The following ARHGEF1 variants were observed in gnomAD, a reference collection of about 807,000 sequenced individuals.
ARHGEF1 encodes 115 kDa guanine nucleotide exchange factor.
In ARHGEF1, 40 loss-of-function variants were observed where a neutral mutation model predicts 119.7. That is an observed-to-expected ratio of 0.33 (90% CI 0.26 to 0.44). The LOEUF (loss-of-function observed/expected upper bound fraction) is 0.44, where lower values mean the gene tolerates loss of function less well. Ranked by LOEUF, ARHGEF1 falls within the 20% of genes least tolerant of loss-of-function variation. The pLI, the probability that ARHGEF1 is intolerant of heterozygous loss-of-function variation, is 1.00. For missense variants in ARHGEF1, 976 were observed against 1,268.3 expected (o/e 0.77, Z 3.50); for synonymous variants, 494 against 521.0 (o/e 0.95, Z 0.71).
chr19:41,913,141 T>C, intron 18 of ARHGEF1, among the ~76,000 whole-genome samples: 1 of 145,840 alleles, frequency 6.9e-6, no homozygotes, highest in Non-Finnish European at 1.5e-5. Context: ...GTTCCTTCCC[T>C]CCCAGCCTCT....
intron 14 of ARHGEF1, among the ~76,000 whole-genome samples, chr19:41,900,016 G>A (rs569070581): frequency 5.3e-5 from 8 of 152,004 alleles, no homozygotes; most frequent in African/African-American, 1.7e-4. Flanking sequence ...GGGGACCATC[G>A]GCCACCTATG....
rs1410972470 is a variant in ARHGEF1 at position 41,914,588 on chromosome 19, TTTCCACCATCTCTGTCTCTCCCTCCCC to T, written c.1865+7805_1865+7831del. Among the ~76,000 whole-genome samples, 14 of 26,214 alleles carry T rather than the reference TTTCCACCATCTCTGTCTCTCCCTCCCC, an allele frequency of 5.3e-4. 2 individuals carry two copies. The highest frequency in any genetic ancestry group is 5.2e-4 in the Non-Finnish European group (8 of 15,466). The allele number at this position is 26,214 out of a possible 152,430, so 17.2% of individuals were successfully genotyped here. ...ATCTCTGTCTCCGTCTCTCCCTCCC[TTTCCACCATCTCTGTCTCTCCCTCCCC>T]TTCCACCATCTCTGTCTCTGTCTCT... is the stretch of plus-strand genomic sequence containing the variant. On this transcript the variant is annotated intron_variant, in intron 18 of 20. Transcript: ENST00000599589.
chr19:41,891,452 T>A (rs1416141036), intron 4 of ARHGEF1, among the ~76,000 whole-genome samples: 1 of 152,052 alleles, frequency 6.6e-6, no homozygotes, highest in Non-Finnish European at 1.5e-5. Flanking sequence ...CCCGACTAAT[T>A]TTTTTATTTT....
chr19:41,911,955 C>G (rs1311155590), downstream of ARHGEF1, among the ~76,000 whole-genome samples: 6 of 151,962 alleles, frequency 3.9e-5, no homozygotes, highest in Non-Finnish European at 5.9e-5. Flanking sequence ...GCCCCCAACA[C>G]AGAGGCCCAG....
chr19:41,924,946 T>C (rs1366412774), intron 1 of ARHGEF1, among the ~76,000 whole-genome samples: 1 of 151,982 alleles, frequency 6.6e-6, no homozygotes. Flanking sequence ...TAGCAGAGAA[T>C]GGGGCAGAGG....
chr19:41,916,795 GTCACAA>G lies in ARHGEF1; in HGVS notation c.1866-6291_1866-6286del. ...ACACACACACCCATTCACAGACACA[GTCACAA>G]TCACACACACACACCAAGATCACGG... On this transcript the variant is annotated intron_variant, in intron 18 of 20. Coordinates refer to the ARHGEF1 transcript ENST00000599589. The surrounding 1 kb of genome is among the most constrained non-coding windows in gnomAD (Gnocchi z 5.4). Among the ~76,000 whole-genome samples the G allele has an allele frequency of 6.6e-6, 1 of 151,976 alleles. No individual in the cohort carries two copies. Among genetic ancestry groups the G allele is most frequent in the East Asian group, 1.9e-4 (1 of 5,162 alleles).
At position 41,907,301 on chromosome 19, in the gene ARHGEF1, C is replaced by T. The variant is rs1555850540; in HGVS notation, c.*214C>T. On this transcript the variant is annotated 3_prime_UTR_variant, in exon 29 of 29. Coordinates refer to ENST00000354532, the MANE Select transcript of ARHGEF1 (RefSeq NM_004706.4). ...CCTCCTGCCCTCTGCTTGGGGGACTCAGGGCTCCATTCTGGAGGGCACCAC... is the reference window on the plus strand; with the variant it reads ...CCTCCTGCCCTCTGCTTGGGGGACTTAGGGCTCCATTCTGGAGGGCACCAC... The T allele has an allele frequency of 1.3e-6, 2 of 1,532,686 alleles. No individual in the cohort carries two copies. Among genetic ancestry groups the T allele is most frequent in the South Asian group, 2.4e-5 (2 of 83,644 alleles). 94.9% of individuals were successfully genotyped at this position (1,532,686 alleles called of 1,614,324 possible).
At chr19:41,915,236 G>GCT (rs1415210856) in intron 18 of ARHGEF1, among the ~76,000 whole-genome samples, 1 of 147,360 alleles carries the variant, frequency 6.8e-6, no homozygotes, top group Non-Finnish European at 1.5e-5. Context: ...ATAACGAGGA[G>GCT]CCGTGGGATC....
intron 14 of ARHGEF1, among the ~76,000 whole-genome samples, chr19:41,900,254 A>G (rs1555848766): frequency 6.6e-6 from 1 of 152,142 alleles, no homozygotes; most frequent in African/African-American, 2.4e-5. Flanking sequence ...GAATTGCTTG[A>G]ACCCAGGAAG....
chr19:41,929,386 C>T (rs1568838886), intron 2 of ARHGEF1, among the ~76,000 whole-genome samples: 1 of 152,172 alleles, frequency 6.6e-6, no homozygotes, highest in Non-Finnish European at 1.5e-5. Context: ...CACACACGCA[C>T]ACCTACAGTG....
Position 41,906,346 on chromosome 19 carries a change from TG to T in ARHGEF1, c.2492-109del. 2 of 1,148,050 alleles carry T rather than the reference TG, an allele frequency of 1.7e-6. No individual in the cohort carries two copies. Among genetic ancestry groups the T allele is most frequent in the Non-Finnish European group, 2.4e-6 (2 of 819,996 alleles). The allele number at this position is 1,148,050 out of a possible 1,614,324, so 71.1% of individuals were successfully genotyped here. ...CGAACCCCATCTGCTCAGCCTTGCC[TG>T]GCACCCACCTTCACCTCCAGCCCCT... On this transcript the variant is annotated intron_variant, in intron 26 of 28. Transcript: ENST00000354532. This position sits in a 1 kb window ranked among gnomAD's most constrained non-coding sequence, Gnocchi z 4.5.
Position 41,893,290 on chromosome 19 carries a change from GA to G in ARHGEF1, c.632del (p.Asp211AlafsTer39), listed in dbSNP as rs1568813270. The G allele has an allele frequency of 6.2e-7, 1 of 1,610,438 alleles. No individual in the cohort carries two copies. Among genetic ancestry groups the G allele is most frequent in the South Asian group, 1.1e-5 (1 of 90,552 alleles). The stretch of plus-strand genomic sequence containing the variant: ...CTCCTACAGACATACCATCTCTACC[GA>G]CGAAGAAAAGAGGTGAGGGGGGCAG... ...LEEMQHTIST[D>X]EEKSAAVVNA... On this transcript the variant is annotated frameshift_variant, in exon 8 of 29. Coordinates refer to ENST00000354532, the MANE Select transcript of ARHGEF1 (RefSeq NM_004706.4). LOFTEE classifies it high-confidence loss of function.
In ARHGEF1 at chr19:41,906,020, G is replaced by A. The variant is rs782226783; in HGVS notation, c.2486G>A (p.Arg829Gln). Residue 829 changes from arginine (R) to glutamine (Q), a missense_variant, in exon 26 of 29, where the codon CGG (arginine) becomes CAG (glutamine). Physicochemically the swap from Arg to Gln is conservative, Grantham distance 43. This residue lies in a region of ARHGEF1 where 171 missense variants were observed against 180.6 expected (regional missense o/e 0.95). Transcript: ENST00000354532. The surrounding 1 kb of genome is among the most constrained non-coding windows in gnomAD (Gnocchi z 4.5). ...GGCCAGCTCGCTGCCACGGCCCTTC[G>A]GAAAGGTAGCCCAGCTCTGCCCCTC... Reference protein sequence around the residue: ...PEGQLAATALRKVLSLKQLLF... With the variant: ...PEGQLAATALQKVLSLKQLLF... The A allele has an allele frequency of 5.5e-5, 88 of 1,613,638 alleles. No homozygotes were observed. Among genetic ancestry groups the A allele is most frequent in the Middle Eastern group, 1.6e-4 (1 of 6,074 alleles).
Position 41,892,270 on chromosome 19 carries a change from T to C in ARHGEF1, c.325-61T>C. 3.1e-6 allele frequency: 5 copies of C among 1,603,360 alleles called. No individual in the cohort carries two copies. The highest frequency in any genetic ancestry group is 4.3e-6 in the Non-Finnish European group (5 of 1,172,208). On this transcript the variant is annotated intron_variant, in intron 5 of 28. Transcript: ENST00000354532. This position sits in a 1 kb window ranked among gnomAD's most constrained non-coding sequence, Gnocchi z 6.3. ...CTTAGACCAGGGTTCCTGGCAGTCC[T>C]CCCGGCCTGCATCTCAGCACACCAA... is the stretch of plus-strand genomic sequence containing the variant.
intron 1 of ARHGEF1, chr19:41,928,030 GCTCA>G (rs1555853446): frequency 6.6e-6 from 1 of 152,118 alleles, no homozygotes; most frequent in Non-Finnish European, 1.5e-5. Context: ...CGGCCGCGGC[GCTCA>G]CTCACTTTCT....
chr19:41,926,745 C>G lies in ARHGEF1; in HGVS notation c.141-2086C>G, dbSNP rs561602130. Among the ~76,000 whole-genome samples, 56 of 152,240 alleles carry G rather than the reference C, an allele frequency of 3.7e-4. No homozygotes were observed. In the South Asian group the frequency reaches 5.4e-3, roughly 15 times the overall value. The stretch of plus-strand genomic sequence containing the variant: ...GGAGCGGGCGGGGGGGCCGTTTAGC[C>G]GTGATAGATCCGCGCGCCGCTTGTC... On this transcript the variant is annotated intron_variant, in intron 1 of 2. Transcript: ENST00000594417.
intron 13 of ARHGEF1, 106 bp from the exon 14 acceptor site, chr19:41,898,336 G>A (rs1473425943): frequency 6.0e-6 from 9 of 1,508,156 alleles, no homozygotes; most frequent in African/African-American, 2.8e-5. Context: ...CCACCCTGCG[G>A]GCATCGAATG....
At chr19:41,899,485 C>A (rs1190106670) in intron 14 of ARHGEF1, among the ~76,000 whole-genome samples, 1 of 144,948 alleles carries the variant, frequency 6.9e-6, no homozygotes, top group Non-Finnish European at 1.5e-5. Flanking sequence ...GCTAGGGAGG[C>A]TGGTGGCAAA....
In ARHGEF1 at chr19:41,916,997, T is replaced by C. The variant is rs1291886075; in HGVS notation, c.1866-6095T>C. ...CCTCCATCTGTGAACTTCCCAAGCA[T>C]GTCTCTGCATGGGTGTGTGTGTGTG... On this transcript the variant is annotated intron_variant, in intron 18 of 20. Coordinates refer to the ARHGEF1 transcript ENST00000599589. This position sits in a 1 kb window ranked among gnomAD's most constrained non-coding sequence, Gnocchi z 5.4. Among the ~76,000 whole-genome samples, 2 of 144,816 alleles carry C rather than the reference T, an allele frequency of 1.4e-5. No homozygotes were observed. Among genetic ancestry groups the C allele is most frequent in the Non-Finnish European group, 2.9e-5 (2 of 67,930 alleles).
Sources: gnomAD v4.1 joint callset for allele counts (sites outside exome capture counted in the v4.1 genomes callset) on GRCh38, gnomAD v4.1.1 for gene constraint, gnomAD v4.1.1 regional missense constraint, Gnocchi (gnomAD v3.1) non-coding constraint, MANE v1.5 for transcripts, NCBI Gene and HGNC (gene_info 2026-07-23, HGNC 2026-07-21) for gene names.